Variants in MAP3K12 observed in about 807,000 individuals in gnomAD.
MAP3K12 encodes the protein MAPK-upstream kinase.
Under a neutral mutation model 87.5 loss-of-function variants are expected in MAP3K12, and 14 were observed. That is an observed-to-expected ratio of 0.16 (90% CI 0.11 to 0.25). The LOEUF is 0.25. MAP3K12 is among the 10% of genes least tolerant of loss of function. MAP3K12 has a pLI of 1.00. For missense variants in MAP3K12, 802 were observed against 1,140.4 expected (o/e 0.70, Z 4.27); for synonymous variants, 469 against 452.5 (o/e 1.04, Z -0.46).
At chr12:53,490,194 C>T (rs189856749) in intron 1 of MAP3K12, among the ~76,000 whole-genome samples, 2 of 152,218 alleles carry the variant, frequency 1.3e-5, no homozygotes, top group East Asian at 3.9e-4. Context: ...GTCCCAGCTA[C>T]TCAGGAGGCT....
chr12:53,494,593 G>C (rs1220246029), intron 1 of MAP3K12, among the ~76,000 whole-genome samples: 1 of 152,188 alleles, frequency 6.6e-6, no homozygotes, highest in East Asian at 1.9e-4. Context: ...GAATGTCAAT[G>C]CTAAGCTGTT....
chr12:53,482,044 G>C lies in MAP3K12; in HGVS notation c.2477C>G (p.Ser826Cys). ...RPDERSDDMC[S>C]QGSEIPLDPP... is the part of the protein sequence containing the mutation. ...GTCCAGTGGGATTTCTGAGCCCTGG[G>C]AGCACATGTCATCAGACCGCTCATC... The change falls in exon 13 of 14, where the codon TCC becomes TGC. Residue 826 changes from serine to cysteine, a missense_variant. Coordinates refer to ENST00000547488, the MANE Select transcript of MAP3K12 (RefSeq NM_001193511.2). The C allele has an allele frequency of 6.2e-7, 1 of 1,614,194 alleles. No homozygotes were observed. Among genetic ancestry groups the C allele is most frequent in the Non-Finnish European group, 8.5e-7 (1 of 1,180,034 alleles).
chr12:53,494,296 A>C (rs1943492864), intron 1 of MAP3K12, among the ~76,000 whole-genome samples: 2 of 152,372 alleles, frequency 1.3e-5, no homozygotes, highest in South Asian at 4.1e-4. Context: ...TGTCAACCAT[A>C]TCTACCAAGT....
At chr12:53,487,624 C>G (rs1943267951) in intron 1 of MAP3K12, 196 bp from the exon 2 acceptor site, 1 of 542,514 alleles carries the variant, frequency 1.8e-6, no homozygotes, top group Non-Finnish European at 3.2e-6. Flanking sequence ...ACTTGGGCTT[C>G]CTCTCAGGCA....
In MAP3K12 at chr12:53,480,177, TG is replaced by T. The variant is rs1942962656; in HGVS notation, c.*1004del. 6.6e-6 allele frequency: 1 copy of T among 152,232 alleles called. No individual in the cohort carries two copies. Among genetic ancestry groups the T allele is most frequent in the Non-Finnish European group, 1.5e-5 (1 of 68,026 alleles). The allele number at this position is 152,232 out of a possible 1,614,324, so 9.4% of individuals were successfully genotyped here. A position where few individuals can be genotyped will look rare whatever the true frequency, so the allele number is the denominator to read the frequency against. ...TTAAGCAGTTGATCATATGTCTGACTGGGTTCCAGTTTCTTGGGAATGTTGG... is the reference window on the plus strand; with the variant it reads ...TTAAGCAGTTGATCATATGTCTGACTGGTTCCAGTTTCTTGGGAATGTTGG... On this transcript the variant is annotated 3_prime_UTR_variant, in exon 14 of 14. Coordinates refer to ENST00000547488, the MANE Select transcript of MAP3K12 (RefSeq NM_001193511.2).
In MAP3K12 at chr12:53,486,816, T is replaced by C. The variant is rs933651536; in HGVS notation, c.445+131A>G. ...TAAAAGAAGCTGGGAAGTTAGAGGCTGATGGATGGCTAAGGGACTAGGGCT... is the reference window on the plus strand; with the variant it reads ...TAAAAGAAGCTGGGAAGTTAGAGGCCGATGGATGGCTAAGGGACTAGGGCT... On this transcript the variant is annotated intron_variant, in intron 2 of 13. Transcript: ENST00000547488. This position sits in a 1 kb window ranked among gnomAD's most constrained non-coding sequence, Gnocchi z 4.9. 1.3e-6 allele frequency: 2 copies of C among 1,510,466 alleles called. No individual in the cohort carries two copies. Among genetic ancestry groups the C allele is most frequent in the Middle Eastern group, 1.8e-4 (1 of 5,610 alleles). The allele number at this position is 1,510,466 out of a possible 1,614,324, so 93.6% of individuals were successfully genotyped here.
chr12:53,496,698 G>A (rs1205504539), intron 1 of MAP3K12, among the ~76,000 whole-genome samples: 2 of 152,208 alleles, frequency 1.3e-5, no homozygotes, highest in East Asian at 1.9e-4. Flanking sequence ...TTGGGTTTAC[G>A]TATATTCCTA....
rs193175936 is a variant in MAP3K12, at chr12:53,486,914, C to G, written c.445+33G>C. Reference sequence around the variant, plus strand: ...CCAACAGATCTCGGGCTCAGGGAAACAGAGAGGAGGCTCCCACAAGGACGT... The same window carrying G: ...CCAACAGATCTCGGGCTCAGGGAAAGAGAGAGGAGGCTCCCACAAGGACGT... On this transcript the variant is annotated intron_variant, in intron 2 of 13. Coordinates refer to ENST00000547488, the MANE Select transcript of MAP3K12 (RefSeq NM_001193511.2). This position sits in a 1 kb window ranked among gnomAD's most constrained non-coding sequence, Gnocchi z 4.9. 1.2e-4 allele frequency: 186 copies of G among 1,607,098 alleles called. No individual in the cohort carries two copies. The highest frequency in any genetic ancestry group is 1.8e-4 in the South Asian group (16 of 90,654).
intron 1 of MAP3K12, among the ~76,000 whole-genome samples, chr12:53,498,597 T>A (rs1296561099): frequency 1.3e-5 from 2 of 152,174 alleles, no homozygotes; most frequent in Admixed American, 6.5e-5. Context: ...TACCAGCAAG[T>A]CTCAACTCTT....
At position 53,486,474 on chromosome 12, in the gene MAP3K12, C is replaced by T. The variant is rs1943231434; in HGVS notation, c.594G>A (p.Leu198=). The T allele has an allele frequency of 3.7e-6, 6 of 1,614,170 alleles. No homozygotes were observed. In the East Asian group the frequency reaches 1.3e-4, roughly 36 times the overall value. ...RDLKETDIKH[L]RKLKHPNIIT... ...TGATGTTGGGGTGCTTCAGCTTTCG[C>T]AAGTGCTTGATGTCGGTTTCTTTGA... Residue 198 remains leucine (L), a synonymous_variant, in exon 3 of 14, where the codon TTG becomes TTA. Coordinates refer to ENST00000547488, the MANE Select transcript of MAP3K12 (RefSeq NM_001193511.2). The surrounding 1 kb of genome is among the most constrained non-coding windows in gnomAD (Gnocchi z 4.9).
At position 53,486,091 on chromosome 12, in the gene MAP3K12, C is replaced by T; in HGVS notation, c.786G>A (p.Leu262=). The change falls in exon 4 of 14, where the codon CTG becomes CTA. Residue 262 remains leucine (L), a synonymous_variant. Coordinates refer to ENST00000547488, the MANE Select transcript of MAP3K12 (RefSeq NM_001193511.2). This position sits in a 1 kb window ranked among gnomAD's most constrained non-coding sequence, Gnocchi z 4.9. ...GIAGGMNYLH[L]HKIIHRDLKS... is the part of the protein sequence containing the mutation. ...TGAGATCCCTGTGGATAATCTTGTG[C>T]AGGTGCAGGTAGTTCATGCCACCAG... 1 of 1,612,294 alleles carries T rather than the reference C, an allele frequency of 6.2e-7. No homozygotes were observed. The highest frequency in any genetic ancestry group is 8.5e-7 in the Non-Finnish European group (1 of 1,179,114).
chr12:53,500,481 G>T (rs1445449931), upstream of MAP3K12: 1 of 152,272 alleles, frequency 6.6e-6, no homozygotes. Flanking sequence ...GCCAGTTAAA[G>T]AGAGGTTCAC....
rs777368317 is a variant in MAP3K12, at chr12:53,483,099, G to C, written c.1704C>G (p.Pro568=). ...TGCCACGGCGACTCCGTCCTGGTGAGGGGGGGCCCTTAGGACACCCAGGAA... is the reference window on the plus strand; with the variant it reads ...TGCCACGGCGACTCCGTCCTGGTGACGGGGGGCCCTTAGGACACCCAGGAA... ...VGLPGCPKGP[P]SPGRSRRGKT... The change falls in exon 11 of 14, where the codon CCC becomes CCG. Residue 568 remains proline (P), a synonymous_variant. Transcript: ENST00000547488. 9.8e-6 allele frequency: 15 copies of C among 1,527,334 alleles called. No homozygotes were observed. In the East Asian group the frequency reaches 2.7e-4, roughly 28 times the overall value. The allele number at this position is 1,527,334 out of a possible 1,614,324, so 94.6% of individuals were successfully genotyped here.
intron 8 of MAP3K12, 67 bp from the exon 9 acceptor site, chr12:53,483,790 T>G (rs1943148048): frequency 1.6e-5 from 26 of 1,612,392 alleles, no homozygotes; most frequent in Non-Finnish European, 2.1e-5. Context: ...GATCTCAGTC[T>G]CAGAATTCCT....
chr12:53,498,497 C>T (rs1943589744), intron 1 of MAP3K12, among the ~76,000 whole-genome samples: 1 of 152,182 alleles, frequency 6.6e-6, no homozygotes, highest in Non-Finnish European at 1.5e-5. Flanking sequence ...CAAGGTAGGA[C>T]TCCTCCCTTA....
At chr12:53,493,060 G>A (rs1461061424) in intron 1 of MAP3K12, 3 of 152,384 alleles carry the variant, frequency 2.0e-5, no homozygotes. Flanking sequence ...CGGGGGCCGC[G>A]GCGGCGGAAG....
chr12:53,498,270 T>G (rs1943583823), intron 1 of MAP3K12, among the ~76,000 whole-genome samples: 1 of 152,226 alleles, frequency 6.6e-6, no homozygotes, highest in African/African-American at 2.4e-5. Flanking sequence ...AAATCCTTTC[T>G]GTTAGCCTTA....
chr12:53,494,571 T>G (rs960909655), intron 1 of MAP3K12, among the ~76,000 whole-genome samples: 96 of 152,188 alleles, frequency 6.3e-4, no homozygotes, highest in African/African-American at 2.1e-3. Context: ...AGCTCCTTCT[T>G]GTATAACAGC....
At chr12:53,489,268 TG>T (rs1326926636) in intron 1 of MAP3K12, among the ~76,000 whole-genome samples, 1 of 151,998 alleles carries the variant, frequency 6.6e-6, no homozygotes, top group Middle Eastern at 3.2e-3. Flanking sequence ...TGGCGGAGGT[TG>T]CAGTAAGCCA....
Sources: allele counts gnomAD v4.1 joint callset (sites outside exome capture counted in the v4.1 genomes callset), GRCh38; gene constraint gnomAD v4.1.1; non-coding constraint Gnocchi (gnomAD v3.1); transcripts MANE v1.5; gene names NCBI Gene and HGNC (gene_info 2026-07-23, HGNC 2026-07-21).